NFIB: variants seen among roughly 807,000 people sequenced by gnomAD.
NFIB encodes the protein nuclear factor 1 B-type.
Under a neutral mutation model 61.5 loss-of-function variants are expected in NFIB, and 11 were observed. The ratio of observed to expected loss-of-function variants is 0.18; its 90% CI spans 0.11 to 0.30. The LOEUF (loss-of-function observed/expected upper bound fraction) is 0.30. NFIB is among the 10% of genes least tolerant of loss of function. The pLI, the probability that NFIB is intolerant of heterozygous loss-of-function variation, is 1.00. For synonymous variants in NFIB, 260 were observed against 216.5 expected (o/e 1.20, Z -1.76); for missense variants, 471 against 608.9 (o/e 0.77, Z 2.38).
chr9:14,257,100 C>T (rs73415777), intron 2 of NFIB, among the ~76,000 whole-genome samples: 2,377 of 152,284 alleles, frequency 0.016, 64 homozygotes, highest in African/African-American at 0.054. Flanking sequence ...CCAGACTGTC[C>T]TGGTTCTAAA....
intron 2 of NFIB, among the ~76,000 whole-genome samples, chr9:14,199,721 C>T (rs566135727): frequency 6.6e-6 from 1 of 152,256 alleles, no homozygotes; most frequent in East Asian, 1.9e-4. Context: ...AAGAAATTCT[C>T]AAGTCAACAT....
chr9:14,197,627 T>C (rs2048605239), intron 2 of NFIB, among the ~76,000 whole-genome samples: 1 of 152,216 alleles, frequency 6.6e-6, no homozygotes, highest in African/African-American at 2.4e-5. Context: ...ATATGCTGTT[T>C]ATTTTCAACA....
chr9:14,507,987 CACACACAT>C, the NFIB span, among the ~76,000 whole-genome samples: 858 of 132,548 alleles, frequency 6.5e-3, 5 homozygotes, highest in African/African-American at 0.021. Context: ...CACACACACA[CACACACAT>C]ATATATATAT....
At chr9:14,271,001 T>G (rs1370974818) in intron 2 of NFIB, among the ~76,000 whole-genome samples, 1 of 152,056 alleles carries the variant, frequency 6.6e-6, no homozygotes, top group African/African-American at 2.4e-5. Context: ...CATGTGGATA[T>G]TTAGAGAGGG....
the NFIB span, among the ~76,000 whole-genome samples, chr9:14,419,699 T>G: frequency 6.6e-6 from 1 of 152,274 alleles, no homozygotes; most frequent in Admixed American, 6.5e-5. Flanking sequence ...GCTTTTCTTT[T>G]GCTTTCTTTT....
intron 1 of NFIB, among the ~76,000 whole-genome samples, chr9:14,394,994 C>G (rs1360432481): frequency 6.6e-6 from 1 of 152,170 alleles, no homozygotes; most frequent in East Asian, 1.9e-4. Context: ...ATAACCTCCT[C>G]TGGTCCACTC....
rs2060399365 is a variant in NFIB, at chr9:14,313,690, T to G, written c.-179A>C. On this transcript the variant is annotated 5_prime_UTR_variant, in exon 1 of 11. Transcript: ENST00000380953. This position sits in a 1 kb window ranked among gnomAD's most constrained non-coding sequence, Gnocchi z 4.5. Reference sequence around the variant, plus strand: ...CAGTCCTCCTTAAATAGCCAAAGATTCAAGTTCACTCGGCGTGCTAGATTT... The same window carrying G: ...CAGTCCTCCTTAAATAGCCAAAGATGCAAGTTCACTCGGCGTGCTAGATTT... 1.4e-6 allele frequency: 2 copies of G among 1,429,640 alleles called. No homozygotes were observed. The highest frequency in any genetic ancestry group is 9.2e-7 in the Non-Finnish European group (1 of 1,091,374). The allele number at this position is 1,429,640 out of a possible 1,614,324, so 88.6% of individuals were successfully genotyped here.
chr9:14,294,784 A>G (rs910685864), intron 2 of NFIB, among the ~76,000 whole-genome samples: 1 of 152,188 alleles, frequency 6.6e-6, no homozygotes, highest in Non-Finnish European at 1.5e-5. Context: ...TGCTCCATAT[A>G]AGAATATGAT....
intron 1 of NFIB, among the ~76,000 whole-genome samples, chr9:14,342,177 A>G (rs1284047564): frequency 2.0e-5 from 3 of 152,190 alleles, no homozygotes; most frequent in Admixed American, 6.5e-5. Context: ...TCTCTCATTA[A>G]CCATTTGAAA....
In NFIB at chr9:14,088,187, T is replaced by G. The variant is rs553991922; in HGVS notation, c.*122A>C. 1.3e-6 allele frequency: 2 copies of G among 1,516,026 alleles called. No homozygotes were observed. Among genetic ancestry groups the G allele is most frequent in the African/African-American group, 2.8e-5 (2 of 71,836 alleles). 93.9% of individuals were successfully genotyped at this position (1,516,026 alleles called of 1,614,324 possible). ...AAATTTCTTAAACTATTGTTGTGTT[T>G]CTTTTTCCCTCAGTTGCTTGTTTCT... On this transcript the variant is annotated 3_prime_UTR_variant, in exon 11 of 11. Transcript: ENST00000380953.
At chr9:14,190,398 A>G (rs1189657299) in intron 2 of NFIB, among the ~76,000 whole-genome samples, 1 of 152,224 alleles carries the variant, frequency 6.6e-6, no homozygotes, top group Non-Finnish European at 1.5e-5. Context: ...GCTTCTGTTC[A>G]TAAAATAACT....
Position 14,120,370 on chromosome 9 carries a change from C to A in NFIB, c.1245+70G>T, listed in dbSNP as rs1056119726. 10 of 1,519,206 alleles carry A rather than the reference C, an allele frequency of 6.6e-6. No homozygotes were observed. The African/African-American group carries it at 1.2e-4, about 19-fold the overall frequency. The allele number at this position is 1,519,206 out of a possible 1,614,324, so 94.1% of individuals were successfully genotyped here. A position where few individuals can be genotyped will look rare whatever the true frequency, so the allele number is the denominator to read the frequency against. ...CTGCCAGACACACTGTCTGACTAACCTTTGTGTCTCAGAATTAGATCTGTC... is the reference window on the plus strand; with the variant it reads ...CTGCCAGACACACTGTCTGACTAACATTTGTGTCTCAGAATTAGATCTGTC... On this transcript the variant is annotated intron_variant, in intron 8 of 10. Coordinates refer to ENST00000380953, the MANE Select transcript of NFIB (RefSeq NM_001190737.2). The surrounding 1 kb of genome is among the most constrained non-coding windows in gnomAD (Gnocchi z 4.4).
intron 2 of NFIB, among the ~76,000 whole-genome samples, chr9:14,227,141 CA>C (rs747407066): frequency 2.1e-3 from 181 of 85,104 alleles, no homozygotes; most frequent in South Asian, 2.4e-3. Context: ...AACTCCGTGT[CA>C]AAAAAAAAAA....
chr9:14,400,915 A>T (rs948070382), upstream of NFIB, among the ~76,000 whole-genome samples: 1 of 152,218 alleles, frequency 6.6e-6, no homozygotes, highest in Non-Finnish European at 1.5e-5. Flanking sequence ...CTGGTGAGCC[A>T]CTTCCGAAGT....
chr9:14,125,053 A>G (rs1468883659), intron 7 of NFIB, among the ~76,000 whole-genome samples: 1 of 152,244 alleles, frequency 6.6e-6, no homozygotes, highest in Non-Finnish European at 1.5e-5. Flanking sequence ...TAATGAAGAT[A>G]GCTATGTACC....
chr9:14,216,193 T>C (rs577443350), intron 2 of NFIB, among the ~76,000 whole-genome samples: 2 of 152,316 alleles, frequency 1.3e-5, no homozygotes, highest in South Asian at 4.1e-4. Context: ...TTTTTCTTTG[T>C]GTACTTTCCT....
At chr9:14,401,196 C>A (rs935379139), upstream of NFIB, among the ~76,000 whole-genome samples, 8 of 152,216 alleles carry the variant, frequency 5.3e-5, no homozygotes, top group African/African-American at 1.9e-4. Context: ...TACCCATTGA[C>A]AACCTCAATA....
the NFIB span, among the ~76,000 whole-genome samples, chr9:14,464,684 AC>A: frequency 2.0e-5 from 3 of 151,632 alleles, no homozygotes; most frequent in East Asian, 5.8e-4. Flanking sequence ...CTTGGCCGAG[AC>A]CCCCCAGGGC....
At chr9:14,118,459 T>A (rs1047480279) in intron 8 of NFIB, among the ~76,000 whole-genome samples, 1 of 152,096 alleles carries the variant, frequency 6.6e-6, no homozygotes, top group Non-Finnish European at 1.5e-5. Flanking sequence ...ACTTCTCTCA[T>A]TTGAAAAGAA....
Sources: gnomAD v4.1 joint callset for allele counts (sites outside exome capture counted in the v4.1 genomes callset) on GRCh38, gnomAD v4.1.1 for gene constraint, Gnocchi (gnomAD v3.1) non-coding constraint, MANE v1.5 for transcripts, NCBI Gene and HGNC (gene_info 2026-07-23, HGNC 2026-07-21) for gene names.